Variants in ADCK1 observed in about 807,000 individuals in gnomAD.
ADCK1 encodes the protein aarF domain containing kinase 1.
In ADCK1, 41 loss-of-function variants were observed where a neutral mutation model predicts 52.3. The ratio of observed to expected loss-of-function variants is 0.78; its 90% CI spans 0.61 to 1.02. The LOEUF (loss-of-function observed/expected upper bound fraction) is 1.02, where lower values mean the gene tolerates loss of function less well. ADCK1 is among the 50% of genes least tolerant of loss of function. ADCK1 has a pLI of 0.00. For missense variants in ADCK1, 658 were observed against 679.5 expected (o/e 0.97, Z 0.35); for synonymous variants, 250 against 274.6 (o/e 0.91, Z 0.89).
intron 3 of ADCK1, among the ~76,000 whole-genome samples, chr14:77,835,909 T>C (rs1221423868): frequency 6.6e-6 from 1 of 152,216 alleles, no homozygotes; most frequent in Non-Finnish European, 1.5e-5. Context: ...GTGCTGGGAT[T>C]GTAAGCATGA....
At chr14:77,853,271 C>T (rs1310133294) in intron 3 of ADCK1, among the ~76,000 whole-genome samples, 1 of 151,772 alleles carries the variant, frequency 6.6e-6, no homozygotes, top group Non-Finnish European at 1.5e-5. Context: ...AGGTGCATGC[C>T]ACCGTGTCTA....
chr14:77,919,210 A>G (rs2083993294), intron 7 of ADCK1, among the ~76,000 whole-genome samples: 6 of 152,158 alleles, frequency 3.9e-5, no homozygotes, highest in Admixed American at 3.9e-4. Flanking sequence ...CCACCACGCC[A>G]GGCCCCAATG....
At chr14:77,805,249 ATTCTTTTT>A (rs1566619736) in intron 1 of ADCK1, among the ~76,000 whole-genome samples, 1 of 98,146 alleles carries the variant, frequency 1.0e-5, no homozygotes, top group East Asian at 2.8e-4. Context: ...TTGGCTTTGC[ATTCTTTTT>A]TTTTTTTTTT....
intron 3 of ADCK1, among the ~76,000 whole-genome samples, chr14:77,857,393 A>G (rs2082441475): frequency 6.6e-6 from 1 of 152,194 alleles, no homozygotes; most frequent in Non-Finnish European, 1.5e-5. Flanking sequence ...CAGGGTATTT[A>G]GGGTAGCTAT....
intron 1 of ADCK1, among the ~76,000 whole-genome samples, chr14:77,810,743 G>C (rs2081323441): frequency 6.6e-6 from 1 of 151,782 alleles, no homozygotes; most frequent in Non-Finnish European, 1.5e-5. Flanking sequence ...GTGTTAGCCA[G>C]GATGGTCTCG....
In ADCK1 at chr14:77,862,920, G is replaced by A. The variant is rs187727630; in HGVS notation, c.423+3641G>A. ...GGGCAGATGGAGGCTTTCTGAAGCA[G>A]GTGGCCTCTGACCCAGCCCCTTAGA... On this transcript the variant is annotated intron_variant, in intron 4 of 10. Transcript: ENST00000238561. Among the ~76,000 whole-genome samples, 376 of 152,324 alleles carry A rather than the reference G, an allele frequency of 2.5e-3. 2 individuals are homozygous for A. Among genetic ancestry groups the A allele is most frequent in the Non-Finnish European group, 4.3e-3 (293 of 68,038 alleles).
At chr14:77,905,303 G>GTTTTTTTTTTTTTTTT (rs1566722295) in intron 6 of ADCK1, among the ~76,000 whole-genome samples, 1 of 65,340 alleles carries the variant, frequency 1.5e-5, no homozygotes, top group East Asian at 2.3e-4. Flanking sequence ...TTTCCTAGCT[G>GTTTTTTTTTTTTTTTT]GTTTTTTTTT....
At chr14:77,812,841 C>T (rs758147966) in intron 1 of ADCK1, among the ~76,000 whole-genome samples, 2 of 151,946 alleles carry the variant, frequency 1.3e-5, no homozygotes, top group African/African-American at 2.4e-5. Context: ...CTGCCCGCCT[C>T]GGCCTCCCAA....
intron 1 of ADCK1, among the ~76,000 whole-genome samples, chr14:77,807,419 G>T (rs747253450): frequency 3.0e-4 from 45 of 151,068 alleles, no homozygotes; most frequent in Non-Finnish European, 5.7e-4. Context: ...TTGGTTCACT[G>T]CAACCTCCAC....
At chr14:77,867,405 C>T (rs2082684553) in intron 4 of ADCK1, among the ~76,000 whole-genome samples, 1 of 152,166 alleles carries the variant, frequency 6.6e-6, no homozygotes, top group Non-Finnish European at 1.5e-5. Context: ...TGGGCCTCAT[C>T]CTGCCTTCCC....
At chr14:77,847,083 G>A (rs2082186438) in intron 3 of ADCK1, among the ~76,000 whole-genome samples, 1 of 152,186 alleles carries the variant, frequency 6.6e-6, no homozygotes, top group African/African-American at 2.4e-5. Context: ...GGTCCAGGCT[G>A]AGAGGATTTT....
chr14:77,850,122 C>T (rs1041437693), intron 3 of ADCK1, among the ~76,000 whole-genome samples: 1 of 152,102 alleles, frequency 6.6e-6, no homozygotes, highest in African/African-American at 2.4e-5. Context: ...CAGGAAACTC[C>T]CTTGAGGCCA....
intron 6 of ADCK1, chr14:77,902,669 G>A (rs768704989): frequency 2.6e-5 from 4 of 152,222 alleles, no homozygotes; most frequent in Non-Finnish European, 5.9e-5. Flanking sequence ...AGGTTTGTTA[G>A]CACCATGACA....
intron 3 of ADCK1, among the ~76,000 whole-genome samples, chr14:77,842,740 A>G (rs534712219): frequency 7.9e-4 from 120 of 151,762 alleles, no homozygotes; most frequent in African/African-American, 2.8e-3. Context: ...TAGTAGAGAC[A>G]GGTTTCACCA....
In ADCK1 at chr14:77,823,641, C is replaced by T. The variant is rs866656053; in HGVS notation, c.219+1123C>T. On this transcript the variant is annotated intron_variant, in intron 3 of 10. Coordinates refer to ENST00000238561, the MANE Select transcript of ADCK1 (RefSeq NM_020421.4). ...GGTCTGGGGTGCAGTGGTGTGATCT[C>T]GGCTCATTGCAACCTCCGTTTCCTG... 6.0e-5 allele frequency among the ~76,000 whole-genome samples: 9 copies of T among 150,990 alleles called. No homozygotes were observed. The South Asian group carries it at 6.3e-4, about 11-fold the overall frequency.
intron 8 of ADCK1, 118 bp downstream of exon 8, chr14:77,924,724 C>T (rs996005826): frequency 1.1e-5 from 15 of 1,371,594 alleles, no homozygotes; most frequent in Middle Eastern, 2.6e-4. Context: ...GGACCCTTCC[C>T]TCTCCCTTGG....
rs2140296427 is a variant in ADCK1, at chr14:77,925,764, A to G, written c.1009A>G (p.Met337Val). Residue 337 changes from methionine (M) to valine (V), a missense_variant and splice_region_variant, in exon 9 of 11, where the codon ATG becomes GTG. Met to Val is a conservative substitution (Grantham distance 21). Transcript: ENST00000238561. ...IVLLDHGLYQ[M>V]LTEEFRLNYC... ...CCCACCGCTGCCGCCTCCACCCTAG[A>G]TGCTCACGGAAGAATTCCGCCTGAA... 2 of 1,614,018 alleles carry G rather than the reference A, an allele frequency of 1.2e-6. No homozygotes were observed. Among genetic ancestry groups the G allele is most frequent in the African/African-American group, 2.7e-5 (2 of 75,050 alleles).
intron 4 of ADCK1, among the ~76,000 whole-genome samples, chr14:77,875,522 C>G (rs2082880547): frequency 6.6e-6 from 1 of 152,006 alleles, no homozygotes; most frequent in African/African-American, 2.4e-5. Flanking sequence ...GCACCCTGAT[C>G]TAATGAGAGC....
At chr14:77,921,069 G>A (rs1057503865) in intron 7 of ADCK1, among the ~76,000 whole-genome samples, 1 of 150,948 alleles carries the variant, frequency 6.6e-6, no homozygotes, top group Non-Finnish European at 1.5e-5. Flanking sequence ...GCTCACGCCT[G>A]TAATCCCAGC....
Sources: gnomAD v4.1 joint callset for allele counts (sites outside exome capture counted in the v4.1 genomes callset) on GRCh38, gnomAD v4.1.1 for gene constraint, MANE v1.5 for transcripts, NCBI Gene and HGNC (gene_info 2026-07-23, HGNC 2026-07-21) for gene names.